The following LRRC9 variants were observed in gnomAD, a reference collection of about 807,000 sequenced individuals.
LRRC9 encodes the protein leucine-rich repeat-containing protein 9.
In LRRC9, 122 loss-of-function variants were observed where a neutral mutation model predicts 63.2. The ratio of observed to expected loss-of-function variants is 1.93; its 90% confidence interval spans 1.67 to 2.24. The LOEUF is 2.24. LRRC9 is among the 30% of genes most tolerant of loss of function. LRRC9 has a pLI of 0.00. For synonymous variants in LRRC9, 366 were observed against 213.1 expected, an observed-to-expected ratio of 1.72 and a Z score of -6.25; for missense variants, 1,071 against 627.7, an observed-to-expected ratio of 1.71 and a Z score of -7.55.
chr14:59,961,054 GT>G lies in LRRC9; in HGVS notation c.1211+11del. 1 of 635,660 alleles carries G rather than the reference GT, an allele frequency of 1.6e-6. No homozygotes were observed. Among genetic ancestry groups the G allele is most frequent in the Non-Finnish European group, 2.8e-6 (1 of 353,000 alleles). The allele number at this position is 635,660 out of a possible 1,614,324, so 39.4% of individuals were successfully genotyped here. On this transcript the variant is annotated intron_variant, in intron 10 of 31. Transcript: ENST00000445360. ...ACTCGATCTGATGACTGGTAAATCT[GT>G]TAGAAATTTAGTATAGCTTTAAAAA...
intron 29 of LRRC9, among the ~76,000 whole-genome samples, chr14:60,047,020 A>C (rs1185223961): frequency 1.3e-5 from 2 of 152,064 alleles, no homozygotes; most frequent in African/African-American, 4.8e-5. Context: ...TTTTGTAACA[A>C]TTGTGATTGG....
exon 32 of LRRC9, chr14:60,063,442 T>C: frequency 1.9e-6 from 1 of 529,036 alleles, no homozygotes; most frequent in South Asian, 2.1e-5. Context: ...AGTGGTCAGT[T>C]AAAAAAAAAA....
intron 29 of LRRC9, among the ~76,000 whole-genome samples, chr14:60,044,345 G>T (rs981735811): frequency 4.5e-4 from 68 of 151,890 alleles, no homozygotes; most frequent in African/African-American, 1.5e-3. Context: ...TTAGGGCTTG[G>T]CTTGTTTTTA....
exon 13 of LRRC9, chr14:59,974,620 T>A: frequency 1.4e-6 from 1 of 691,052 alleles, no homozygotes; most frequent in Middle Eastern, 2.3e-4. Context: ...ACAGTCTAAG[T>A]ATAAGTGAGT....
chr14:60,043,770 T>TC (rs1273640250), intron 29 of LRRC9, among the ~76,000 whole-genome samples: 1 of 148,782 alleles, frequency 6.7e-6, no homozygotes, highest in African/African-American at 2.5e-5. Flanking sequence ...TTTTTTTTTT[T>TC]TTTTTTTTGC....
chr14:60,014,908 CT>C (rs1890553071), intron 23 of LRRC9, among the ~76,000 whole-genome samples: 1 of 151,772 alleles, frequency 6.6e-6, no homozygotes, highest in African/African-American at 2.4e-5. Context: ...AATATTAAAT[CT>C]TTTTTATGGT....
At chr14:59,994,169 GA>G (rs969365447) in intron 17 of LRRC9, among the ~76,000 whole-genome samples, 31 of 150,342 alleles carry the variant, frequency 2.1e-4, no homozygotes, top group African/African-American at 5.4e-4. Flanking sequence ...AAATTTACAA[GA>G]AAAAAAAACC....
chr14:59,978,141 T>C lies in LRRC9; in HGVS notation c.1878+9T>C, dbSNP rs1174909480. On this transcript the variant is annotated intron_variant, in intron 15 of 31. Coordinates refer to ENST00000445360, the Ensembl canonical transcript of LRRC9. Reference sequence around the variant, plus strand: ...TTGAGTATATTACAATGGTATGAATTGTTACATATTCTTAAAGACTAATTC... The same window carrying C: ...TTGAGTATATTACAATGGTATGAATCGTTACATATTCTTAAAGACTAATTC... The C allele has an allele frequency of 2.9e-6, 2 of 700,492 alleles. No homozygotes were observed. The highest frequency in any genetic ancestry group is 2.6e-6 in the Non-Finnish European group (1 of 383,774). 43.4% of individuals were successfully genotyped at this position (700,492 alleles called of 1,614,324 possible).
chr14:59,941,066 G>T (rs113586261), intron 7 of LRRC9, among the ~76,000 whole-genome samples: 32 of 148,314 alleles, frequency 2.2e-4, no homozygotes, highest in Admixed American at 6.0e-4. Flanking sequence ...CTCAAACAAG[G>T]ACAAAAAAAA....
rs949569460 is a variant in LRRC9, at chr14:60,060,613, C to T, written c.4276+2591C>T. Among the ~76,000 whole-genome samples the T allele has an allele frequency of 1.2e-4, 18 of 152,040 alleles. No individual in the cohort carries two copies. The highest frequency in any genetic ancestry group is 4.2e-4 in the South Asian group (2 of 4,804). On this transcript the variant is annotated intron_variant, in intron 31 of 31. Coordinates refer to ENST00000445360, the Ensembl canonical transcript of LRRC9. This position sits in a 1 kb window ranked among gnomAD's most constrained non-coding sequence, Gnocchi z 4.0. Reference sequence around the variant, plus strand: ...AAAATTAGCTGGGCATGGTGGCGGGCGCCTGTAGTCCCAGCTACTCGGGAG... The same window carrying T: ...AAAATTAGCTGGGCATGGTGGCGGGTGCCTGTAGTCCCAGCTACTCGGGAG...
chr14:59,978,136 T>C lies in LRRC9; in HGVS notation c.1878+4T>C, dbSNP rs1489489138. ...TGAATTTGAGTATATTACAATGGTA[T>C]GAATTGTTACATATTCTTAAAGACT... On this transcript the variant is annotated splice_donor_region_variant and intron_variant, in intron 15 of 31. Coordinates refer to ENST00000445360, the Ensembl canonical transcript of LRRC9. 2.9e-6 allele frequency: 2 copies of C among 701,132 alleles called. No individual in the cohort carries two copies. The highest frequency in any genetic ancestry group is 5.2e-6 in the Non-Finnish European group (2 of 384,074). 43.4% of individuals were successfully genotyped at this position (701,132 alleles called of 1,614,324 possible).
chr14:60,063,968 G>T (rs553844853), downstream of LRRC9, among the ~76,000 whole-genome samples: 1 of 152,182 alleles, frequency 6.6e-6, no homozygotes, highest in South Asian at 2.1e-4. Context: ...CAAATTGTGG[G>T]CATCAATAGT....
chr14:60,008,029 C>A (rs1889960672), intron 22 of LRRC9, 63 bp from the exon 23 acceptor site: 2 of 495,272 alleles, frequency 4.0e-6, no homozygotes, highest in Admixed American at 3.6e-5. Context: ...TTGAGGATGG[C>A]TAACCTCTTA....
intron 28 of LRRC9, among the ~76,000 whole-genome samples, chr14:60,029,909 A>AT (rs1372267624): frequency 6.6e-6 from 1 of 151,662 alleles, no homozygotes; most frequent in Non-Finnish European, 1.5e-5. Context: ...TATTCTAACC[A>AT]TTAATATTAT....
intron 30 of LRRC9, among the ~76,000 whole-genome samples, chr14:60,056,772 A>C (rs1296391309): frequency 6.6e-6 from 1 of 152,172 alleles, no homozygotes; most frequent in African/African-American, 2.4e-5. Flanking sequence ...TCAAGCCATT[A>C]TTTCTTTTAA....
rs1889599674 is a variant in LRRC9, at chr14:60,003,948, G to A, written c.2842+150G>A. 4.1e-6 allele frequency: 2 copies of A among 490,212 alleles called. No individual in the cohort carries two copies. The highest frequency in any genetic ancestry group is 3.8e-5 in the Admixed American group (1 of 26,162). The allele number at this position is 490,212 out of a possible 1,614,324, so 30.4% of individuals were successfully genotyped here. A position where few individuals can be genotyped will look rare whatever the true frequency, so the allele number is the denominator to read the frequency against. ...AGGGTATTCTAAATACCTGTGTGAG[G>A]TAATGCAATTATTAGTTAGCTAGAT... On this transcript the variant is annotated intron_variant, in intron 21 of 31. Transcript: ENST00000445360. The surrounding 1 kb of genome is among the most constrained non-coding windows in gnomAD (Gnocchi z 4.2).
At chr14:60,008,538 A>G (rs1179321917) in intron 23 of LRRC9, among the ~76,000 whole-genome samples, 2 of 152,178 alleles carry the variant, frequency 1.3e-5, no homozygotes, top group African/African-American at 4.8e-5. Flanking sequence ...CATCCTCCTA[A>G]GCCTAAAAGC....
In LRRC9 at chr14:59,938,675, C is replaced by G. The variant is rs1459479398; in HGVS notation, c.726+103C>G. The G allele has an allele frequency of 4.0e-6, 2 of 493,882 alleles. No individual in the cohort carries two copies. The highest frequency in any genetic ancestry group is 7.1e-6 in the Non-Finnish European group (2 of 282,586). The allele number at this position is 493,882 out of a possible 1,614,324, so 30.6% of individuals were successfully genotyped here. ...GGTAGGTAGGATTATCAGTTCAGTTCTTGTTGCCAAGTCTGCTTTTGCCCT... is the reference window on the plus strand; with the variant it reads ...GGTAGGTAGGATTATCAGTTCAGTTGTTGTTGCCAAGTCTGCTTTTGCCCT... On this transcript the variant is annotated intron_variant, in intron 7 of 31. Transcript: ENST00000445360. The surrounding 1 kb of genome is among the most constrained non-coding windows in gnomAD (Gnocchi z 4.2).
chr14:59,951,726 C>T (rs995328276), intron 8 of LRRC9, among the ~76,000 whole-genome samples: 1 of 151,214 alleles, frequency 6.6e-6, no homozygotes, highest in Admixed American at 6.6e-5. Context: ...AGACAGGACC[C>T]TCAGCTGCAG....
Sources: allele counts gnomAD v4.1 joint callset (sites outside exome capture counted in the v4.1 genomes callset), GRCh38; gene constraint gnomAD v4.1.1; non-coding constraint Gnocchi (gnomAD v3.1); transcripts MANE v1.5; gene names NCBI Gene and HGNC (gene_info 2026-07-23, HGNC 2026-07-21).